API5: variants seen among roughly 807,000 people sequenced by gnomAD.
API5 encodes apoptosis inhibitor 5.
A neutral mutation model predicts 71.9 loss-of-function variants in API5; 6 were observed. The ratio of observed to expected loss-of-function variants is 0.08; its 90% CI spans 0.05 to 0.16. The LOEUF (loss-of-function observed/expected upper bound fraction) is 0.16, where lower values mean the gene tolerates loss of function less well. Ranked by LOEUF, API5 falls within the 10% of genes least tolerant of loss-of-function variation. The pLI is 1.00. For missense variants in API5, 332 were observed against 612.8 expected (o/e 0.54, Z 4.84); for synonymous variants, 189 against 221.3 (o/e 0.85, Z 1.30).
chr11:43,328,072 G>A, intron 8 of API5, among the ~76,000 whole-genome samples, 194 bp downstream of exon 8: 1 of 152,096 alleles, frequency 6.6e-6, no homozygotes, highest in Non-Finnish European at 1.5e-5. Context: ...TAATTAGGGA[G>A]AAAATAGGCC....
intron 2 of API5, 82 bp from the exon 3 acceptor site, chr11:43,320,731 TAAAAAAAA>T: frequency 1.0e-6 from 1 of 994,978 alleles, no homozygotes; most frequent in Non-Finnish European, 1.5e-6. Flanking sequence ...ACCTTGTCTT[TAAAAAAAA>T]AAAAAAGAAA....
Position 43,328,714 on chromosome 11 carries a change from A to G in API5, c.948A>G (p.Glu316=). The change falls in exon 9 of 14, where the codon GAA becomes GAG. Residue 316 remains glutamate, a splice_region_variant and synonymous_variant. Coordinates refer to ENST00000531273, the MANE Select transcript of API5 (RefSeq NM_001142930.2). The part of the protein sequence containing the change: ...NLRKLFDKLL[E]YMPLPPEEAE... ...ATCTGTATATTTTTCTCTCTTAGGA[A>G]TACATGCCCCTCCCTCCAGAAGAGG... 1.2e-6 allele frequency: 2 copies of G among 1,613,386 alleles called. No homozygotes were observed. Among genetic ancestry groups the G allele is most frequent in the Non-Finnish European group, 1.7e-6 (2 of 1,179,484 alleles).
intron 2 of API5, 91 bp from the exon 3 acceptor site, chr11:43,320,730 T>TA: frequency 2.0e-5 from 23 of 1,143,278 alleles, no homozygotes; most frequent in South Asian, 2.8e-5. Context: ...TACCTTGTCT[T>TA]TAAAAAAAAA....
At chr11:43,332,019 A>C (rs546948903) in intron 11 of API5, 31 of 152,380 alleles carry the variant, frequency 2.0e-4, no homozygotes, top group African/African-American at 7.5e-4. Context: ...AGAACATTTT[A>C]AACTTAGCAA....
intron 8 of API5, among the ~76,000 whole-genome samples, chr11:43,328,390 AGTTT>A (rs1855144452): frequency 6.6e-6 from 1 of 152,216 alleles, no homozygotes; most frequent in Admixed American, 6.5e-5. Context: ...CTGACTCTTT[AGTTT>A]ATTAACTTTG....
intron 2 of API5, 26 bp downstream of exon 2, chr11:43,318,827 G>A (rs765293148): frequency 6.3e-7 from 1 of 1,596,140 alleles, no homozygotes; most frequent in Non-Finnish European, 8.5e-7. Context: ...ACACTTCATA[G>A]CAATCTTTCA....
In API5 at chr11:43,324,476, G is replaced by A. The variant is rs5743226; in HGVS notation, c.750+840G>A. 6.9e-3 allele frequency among the ~76,000 whole-genome samples: 1,058 copies of A among 152,234 alleles called. 5 individuals carry two copies. The highest frequency in any genetic ancestry group is 0.021 in the South Asian group (99 of 4,824). On this transcript the variant is annotated intron_variant, in intron 6 of 13. Coordinates refer to ENST00000531273, the MANE Select transcript of API5 (RefSeq NM_001142930.2). ...TTAAAGGAACTATCCTAGAGCAGGC[G>A]TGGTGGCCCGTCCCTGTAATCCCAA... is the stretch of plus-strand genomic sequence containing the variant.
intron 13 of API5, among the ~76,000 whole-genome samples, chr11:43,337,509 C>T (rs978580699): frequency 6.6e-6 from 1 of 152,144 alleles, no homozygotes; most frequent in Admixed American, 6.5e-5. Context: ...CTCTGAGACA[C>T]CTTTACTTTA....
chr11:43,335,187 C>CT (rs1855390008), intron 11 of API5, 91 bp from the exon 12 acceptor site: 1 of 888,492 alleles, frequency 1.1e-6, no homozygotes, highest in Admixed American at 2.0e-5. Flanking sequence ...TAAATTGAAT[C>CT]TTTAAGATCT....
Position 43,335,366 on chromosome 11 carries a change from A to G in API5, c.1355+12A>G, listed in dbSNP as rs75724568. ...AAGGTTGAGATTGGGTAAGAAATAT[A>G]TTTAAAAGAGATTTAAGTGTTATCA... On this transcript the variant is annotated intron_variant, in intron 12 of 13. Transcript: ENST00000531273. The G allele has an allele frequency of 2.0e-5, 30 of 1,538,444 alleles. No homozygotes were observed. Among genetic ancestry groups the G allele is most frequent in the Non-Finnish European group, 2.4e-5 (27 of 1,112,288 alleles).
chr11:43,334,215 TTACC>T (rs1855353184), intron 11 of API5, among the ~76,000 whole-genome samples: 1 of 152,180 alleles, frequency 6.6e-6, no homozygotes, highest in Non-Finnish European at 1.5e-5. Context: ...CTTGCAATCT[TTACC>T]TACCAGGCAG....
intron 2 of API5, among the ~76,000 whole-genome samples, chr11:43,319,548 T>A (rs1190382646): frequency 6.6e-6 from 1 of 152,128 alleles, no homozygotes; most frequent in African/African-American, 2.4e-5. Context: ...TTTTCCACTT[T>A]AGCCTCCCAA....
intron 1 of API5, among the ~76,000 whole-genome samples, chr11:43,314,311 CCTT>C (rs943742962): frequency 7.9e-5 from 12 of 152,224 alleles, no homozygotes; most frequent in African/African-American, 2.2e-4. Flanking sequence ...TGTCAGGAAT[CCTT>C]CTAAGAAACC....
At chr11:43,335,241 A>G in intron 11 of API5, 37 bp from the exon 12 acceptor site, 1 of 1,475,756 alleles carries the variant, frequency 6.8e-7, no homozygotes, top group Non-Finnish European at 9.5e-7. Context: ...CCACCAACAA[A>G]TACATTAGAA....
rs147759395 is a variant in API5 at position 43,327,835 on chromosome 11, A to G, written c.902A>G (p.Glu301Gly). 2 of 1,612,532 alleles carry G rather than the reference A, an allele frequency of 1.2e-6. No individual in the cohort carries two copies. The highest frequency in any genetic ancestry group is 1.1e-5 in the South Asian group (1 of 90,794). ...AEMSSFCGDM[E>G]KLETNLRKLF... ...ATGAGTTCATTTTGTGGTGACATGGAAAAACTAGAAACAAATTTAAGGAAA... is the reference window on the plus strand; with the variant it reads ...ATGAGTTCATTTTGTGGTGACATGGGAAAACTAGAAACAAATTTAAGGAAA... The change falls in exon 8 of 14, where the codon GAA becomes GGA. Residue 301 changes from glutamate (E) to glycine (G), a missense_variant. Glu to Gly is a moderately conservative substitution (Grantham distance 98). This residue lies in a region of API5 where 168 missense variants were observed against 343.9 expected (regional missense o/e 0.49). Coordinates refer to ENST00000531273, the MANE Select transcript of API5 (RefSeq NM_001142930.2).
At chr11:43,333,908 A>G (rs553734360) in intron 11 of API5, among the ~76,000 whole-genome samples, 13 of 152,316 alleles carry the variant, frequency 8.5e-5, no homozygotes, top group African/African-American at 3.1e-4. Context: ...TTATTTTTAC[A>G]TACCTAATAC....
At chr11:43,322,925 A>C (rs1253406855) in intron 5 of API5, among the ~76,000 whole-genome samples, 1 of 152,200 alleles carries the variant, frequency 6.6e-6, no homozygotes, top group Non-Finnish European at 1.5e-5. Context: ...ATTTAGACCC[A>C]CTGATATGGA....
rs1183192784 is a variant in API5 at position 43,343,881 on chromosome 11, G to A, written c.*1371G>A. 1 of 152,646 alleles carries A rather than the reference G, an allele frequency of 6.6e-6. No homozygotes were observed. The highest frequency in any genetic ancestry group is 2.4e-5 in the African/African-American group (1 of 41,454). The allele number at this position is 152,646 out of a possible 1,614,324, so 9.5% of individuals were successfully genotyped here. A position where few individuals can be genotyped will look rare whatever the true frequency, so the allele number is the denominator to read the frequency against. On this transcript the variant is annotated 3_prime_UTR_variant, in exon 14 of 14. Coordinates refer to ENST00000531273, the MANE Select transcript of API5 (RefSeq NM_001142930.2). ...GTCTGATGTATTTTTCTGAGGAATA[G>A]TTTGTGATTCCAATGCAGGTGTCTT...
Position 43,318,787 on chromosome 11 carries a change from G to A in API5, c.217G>A (p.Asp73Asn). Residue 73 changes from aspartate to asparagine, a missense_variant, in exon 2 of 14, where the codon GAT becomes AAT. Coordinates refer to ENST00000531273, the MANE Select transcript of API5 (RefSeq NM_001142930.2). The stretch of plus-strand genomic sequence containing the variant: ...CAATGCACAGTTAGACCTCTGTGAG[G>A]ATGAAGATGTATCTGTAAGTTTATG... The part of the protein sequence containing the change: ...AINAQLDLCE[D>N]EDVSIRRQAI... The A allele has an allele frequency of 6.2e-7, 1 of 1,612,508 alleles. No homozygotes were observed.
Sources: gnomAD v4.1 joint callset for allele counts (sites outside exome capture counted in the v4.1 genomes callset) on GRCh38, gnomAD v4.1.1 for gene constraint, gnomAD v4.1.1 regional missense constraint, MANE v1.5 for transcripts, NCBI Gene and HGNC (gene_info 2026-07-23, HGNC 2026-07-21) for gene names.